SND1: variants seen among roughly 807,000 people sequenced by gnomAD.
SND1 encodes the protein staphylococcal nuclease and tudor domain containing 1.
In SND1, 38 loss-of-function variants were observed where a neutral mutation model predicts 121.7. The ratio of observed to expected loss-of-function variants is 0.31; its 90% CI spans 0.24 to 0.41. The LOEUF is 0.41. Among genes scored for constraint, SND1 ranks in the 10% least tolerant of loss-of-function variants. The pLI, the probability that SND1 is intolerant of heterozygous loss-of-function variation, is 1.00. For synonymous variants in SND1, 401 were observed against 447.4 expected (o/e 0.90, Z 1.31); for missense variants, 868 against 1,184.6 (o/e 0.73, Z 3.92).
At chr7:127,713,966 G>C (rs1796340325) in intron 9 of SND1, among the ~76,000 whole-genome samples, 1 of 152,142 alleles carries the variant, frequency 6.6e-6, no homozygotes, top group Non-Finnish European at 1.5e-5. Flanking sequence ...TGGCGTTTTA[G>C]CTGATCTGTG....
At chr7:128,066,987 C>T (rs1793327170) in intron 16 of SND1, among the ~76,000 whole-genome samples, 1 of 152,166 alleles carries the variant, frequency 6.6e-6, no homozygotes, top group Non-Finnish European at 1.5e-5. Flanking sequence ...TTCCCGCGCC[C>T]CCCTGCAAGT....
intron 16 of SND1, among the ~76,000 whole-genome samples, chr7:128,043,118 A>G (rs1157256264): frequency 6.6e-6 from 1 of 152,188 alleles, no homozygotes; most frequent in Admixed American, 6.5e-5. Flanking sequence ...ATCTTAGGCC[A>G]CATCTCTTTG....
chr7:127,917,241 A>G (rs566450524), intron 14 of SND1, among the ~76,000 whole-genome samples: 56 of 152,168 alleles, frequency 3.7e-4, no homozygotes, highest in Middle Eastern at 3.2e-3. Flanking sequence ...TTAATTCTAT[A>G]TTTTCCTTAA....
chr7:127,968,788 C>T (rs553548530), intron 15 of SND1, among the ~76,000 whole-genome samples: 76 of 152,282 alleles, frequency 5.0e-4, no homozygotes, highest in African/African-American at 1.7e-3. Context: ...CACAACAGAT[C>T]CAACATCTCC....
intron 15 of SND1, among the ~76,000 whole-genome samples, chr7:127,944,520 A>G (rs1039252712): frequency 6.6e-6 from 1 of 152,100 alleles, no homozygotes; most frequent in Non-Finnish European, 1.5e-5. Flanking sequence ...GCCTGCCTCT[A>G]CTGTCATTCC....
intron 14 of SND1, among the ~76,000 whole-genome samples, chr7:127,924,510 G>A (rs1800791806): frequency 1.3e-5 from 2 of 152,056 alleles, no homozygotes; most frequent in Non-Finnish European, 2.9e-5. Flanking sequence ...GACTTTCATT[G>A]GAGAAATCAT....
chr7:127,850,491 G>A (rs1039691430), intron 12 of SND1, among the ~76,000 whole-genome samples: 3 of 152,174 alleles, frequency 2.0e-5, no homozygotes, highest in Non-Finnish European at 4.4e-5. Context: ...CTGCCGGGAG[G>A]TAGGGTCTGT....
chr7:127,711,428 G>T (rs1796295120), intron 9 of SND1, among the ~76,000 whole-genome samples: 2 of 152,112 alleles, frequency 1.3e-5, no homozygotes, highest in South Asian at 4.1e-4. Context: ...TCACTCCACT[G>T]TCAGTAGTTA....
At chr7:128,017,921 G>C (rs145197095) in intron 16 of SND1, among the ~76,000 whole-genome samples, 28 of 152,304 alleles carry the variant, frequency 1.8e-4, no homozygotes, top group African/African-American at 5.3e-4. Context: ...AGGGAGCAGG[G>C]GAGAGGAAGC....
At chr7:127,782,936 A>C (rs1051647280) in intron 10 of SND1, among the ~76,000 whole-genome samples, 3 of 152,258 alleles carry the variant, frequency 2.0e-5, no homozygotes, top group Non-Finnish European at 4.4e-5. Flanking sequence ...TTTCCTAAAT[A>C]GGAAGTAGAC....
chr7:127,708,132 CT>C (rs1386971353), intron 9 of SND1, among the ~76,000 whole-genome samples: 1 of 152,092 alleles, frequency 6.6e-6, no homozygotes, highest in Non-Finnish European at 1.5e-5. Context: ...ATATTCAACA[CT>C]TTATTATAAA....
intron 16 of SND1, among the ~76,000 whole-genome samples, chr7:128,004,865 T>G (rs1315947775): frequency 2.0e-5 from 3 of 152,248 alleles, no homozygotes; most frequent in Non-Finnish European, 4.4e-5. Context: ...CTCTAACATT[T>G]GGACCCAGGC....
At chr7:128,030,895 C>G in intron 16 of SND1, 1 of 400,834 alleles carries the variant, frequency 2.5e-6, no homozygotes, top group Non-Finnish European at 4.5e-6. Context: ...CGTCCCCACC[C>G]AGTTCGCCGT....
rs559026721 is a variant in SND1 at position 127,932,902 on chromosome 7, T to C, written c.1669+3573T>C. 1.1e-4 allele frequency among the ~76,000 whole-genome samples: 17 copies of C among 152,326 alleles called. No individual in the cohort carries two copies. In the South Asian group the frequency reaches 2.9e-3, roughly 26 times the overall value. On this transcript the variant is annotated intron_variant, in intron 15 of 23. Coordinates refer to ENST00000354725, the MANE Select transcript of SND1 (RefSeq NM_014390.4). ...TTGTGTGACTTGCTGTATTGCAATA[T>C]TCACTTCATTGCAGTGGTCTGGAAC...
intron 16 of SND1, among the ~76,000 whole-genome samples, chr7:128,018,281 T>C (rs1398441962): frequency 6.6e-6 from 1 of 152,236 alleles, no homozygotes; most frequent in African/African-American, 2.4e-5. Flanking sequence ...GGATTATTGT[T>C]GACTCTGCCT....
chr7:127,868,478 A>AT, intron 12 of SND1, among the ~76,000 whole-genome samples: 1 of 152,298 alleles, frequency 6.6e-6, no homozygotes, highest in East Asian at 1.9e-4. Context: ...TATAGAGGGT[A>AT]TTTGACTTAA....
chr7:127,793,485 A>T (rs1797952688), intron 10 of SND1, among the ~76,000 whole-genome samples: 1 of 152,120 alleles, frequency 6.6e-6, no homozygotes, highest in Non-Finnish European at 1.5e-5. Flanking sequence ...TGAATTGTAG[A>T]AATTTAGAGT....
intron 15 of SND1, among the ~76,000 whole-genome samples, chr7:127,934,735 TC>T (rs1563063185): frequency 6.6e-6 from 1 of 152,116 alleles, no homozygotes; most frequent in Non-Finnish European, 1.5e-5. Flanking sequence ...AATAGGTTGT[TC>T]GTTTGGTTTT....
intron 1 of SND1, among the ~76,000 whole-genome samples, chr7:127,662,549 T>A (rs1476824279): frequency 1.3e-5 from 2 of 152,244 alleles, no homozygotes; most frequent in Admixed American, 6.5e-5. Flanking sequence ...TAACCTTTTT[T>A]GTTTTTGGTG....
Sources: allele counts gnomAD v4.1 joint callset (sites outside exome capture counted in the v4.1 genomes callset), GRCh38; gene constraint gnomAD v4.1.1; transcripts MANE v1.5; gene names NCBI Gene and HGNC (gene_info 2026-07-23, HGNC 2026-07-21).